Variants in SLC25A42 observed in about 807,000 individuals in gnomAD.
SLC25A42 encodes solute carrier family 25 member 42, also known as mitochondrial coenzyme A transporter SLC25A42.
A neutral mutation model predicts 34.7 loss-of-function variants in SLC25A42; 19 were observed. That is an observed-to-expected ratio of 0.55 (90% CI 0.38 to 0.80). SLC25A42 has a LOEUF of 0.80. Ranked by LOEUF, SLC25A42 falls within the 30% of genes least tolerant of loss-of-function variation. The pLI is 0.00. For missense variants in SLC25A42, 364 were observed against 441.3 expected (o/e 0.82, Z 1.57); for synonymous variants, 205 against 191.2 (o/e 1.07, Z -0.59).
At chr19:19,083,442 C>A (rs2059691060) in intron 1 of SLC25A42, among the ~76,000 whole-genome samples, 1 of 152,224 alleles carries the variant, frequency 6.6e-6, no homozygotes, top group South Asian at 2.1e-4. Flanking sequence ...CTAACGCAGC[C>A]CATTATGGTG....
intron 2 of SLC25A42, among the ~76,000 whole-genome samples, chr19:19,100,488 C>A (rs912020327): frequency 6.6e-6 from 1 of 152,082 alleles, no homozygotes; most frequent in Non-Finnish European, 1.5e-5. Context: ...ATCTGCCCTC[C>A]TTGTGGTCCC....
chr19:19,073,180 G>A (rs1186385748), intron 1 of SLC25A42, among the ~76,000 whole-genome samples: 1 of 152,218 alleles, frequency 6.6e-6, no homozygotes, highest in Non-Finnish European at 1.5e-5. Flanking sequence ...AGGAGGACAG[G>A]ACAGCAACAG....
intron 1 of SLC25A42, among the ~76,000 whole-genome samples, chr19:19,091,022 T>C (rs1599677524): frequency 6.6e-6 from 1 of 152,254 alleles, no homozygotes; most frequent in East Asian, 1.9e-4. Context: ...AGCATCTTTC[T>C]GCTGTGACAA....
chr19:19,088,745 G>A lies in SLC25A42; in HGVS notation c.-34-7346G>A, dbSNP rs879010935. On this transcript the variant is annotated intron_variant, in intron 1 of 7. Transcript: ENST00000318596. The stretch of plus-strand genomic sequence containing the variant: ...GATCTCCTGACCTTGTGATCCCCCC[G>A]CTTTGGCCTCTCAAAGTGCTTGGAT... 1.7e-4 allele frequency among the ~76,000 whole-genome samples: 25 copies of A among 151,146 alleles called. 1 individual carries two copies. Among genetic ancestry groups the A allele is most frequent in the African/African-American group, 5.1e-4 (21 of 41,104 alleles).
At chr19:19,097,761 G>A (rs911688062) in intron 2 of SLC25A42, among the ~76,000 whole-genome samples, 39 of 152,138 alleles carry the variant, frequency 2.6e-4, no homozygotes, top group African/African-American at 6.5e-4. Context: ...TCAGGAGTTC[G>A]AGACCAGCCT....
chr19:19,079,698 A>G (rs2059671734), intron 1 of SLC25A42, among the ~76,000 whole-genome samples: 1 of 152,116 alleles, frequency 6.6e-6, no homozygotes, highest in African/African-American at 2.4e-5. Flanking sequence ...GCTGTTGTGA[A>G]TCTTACTGCT....
rs571742122 is a variant in SLC25A42 at position 19,105,780 on chromosome 19, C to A, written c.380+53C>A. The A allele has an allele frequency of 9.5e-4, 1,373 of 1,442,450 alleles. 4 individuals are homozygous for A. Among genetic ancestry groups the A allele is most frequent in the Non-Finnish European group, 9.1e-4 (980 of 1,074,248 alleles). The allele number at this position is 1,442,450 out of a possible 1,614,324, so 89.4% of individuals were successfully genotyped here. Reference sequence around the variant, plus strand: ...AATCGCCCCGCCCACGCCCGCCCCTCTCTCTTTCTTCTGCACGCCCCGCTC... The same window carrying A: ...AATCGCCCCGCCCACGCCCGCCCCTATCTCTTTCTTCTGCACGCCCCGCTC... On this transcript the variant is annotated intron_variant, in intron 5 of 7. Transcript: ENST00000318596.
chr19:19,108,029 C>G lies in SLC25A42; in HGVS notation c.633C>G (p.Leu211=). The G allele has an allele frequency of 6.3e-7, 1 of 1,593,232 alleles. No homozygotes were observed. Among genetic ancestry groups the G allele is most frequent in the South Asian group, 1.1e-5 (1 of 88,012 alleles). Residue 211 remains leucine, a synonymous_variant, in exon 7 of 8, where the codon CTC becomes CTG. Coordinates refer to ENST00000318596, the MANE Select transcript of SLC25A42 (RefSeq NM_178526.5). The stretch of plus-strand genomic sequence containing the variant: ...TGAGCTTCTTCACCTATGAGACGCT[C>G]AAGAGCTTGCACAGAGGTAAGGAGA... The part of the protein sequence containing the change: ...AGLSFFTYET[L]KSLHREYSGR...
chr19:19,080,430 C>T (rs915460695), intron 1 of SLC25A42, among the ~76,000 whole-genome samples: 3 of 152,102 alleles, frequency 2.0e-5, no homozygotes, highest in Non-Finnish European at 2.9e-5. Context: ...CCCAGAAGTA[C>T]AGCGTCCTCT....
intron 4 of SLC25A42, 30 bp from the exon 5 acceptor site, chr19:19,105,531 A>T: frequency 3.1e-6 from 5 of 1,596,812 alleles, no homozygotes; most frequent in Non-Finnish European, 4.3e-6. Flanking sequence ...GCAGAGGCAG[A>T]GGGATGTTGA....
At chr19:19,073,802 G>C (rs1405773442) in intron 1 of SLC25A42, among the ~76,000 whole-genome samples, 1 of 152,146 alleles carries the variant, frequency 6.6e-6, no homozygotes, top group Admixed American at 6.5e-5. Flanking sequence ...TTGAACTCCC[G>C]ACCTTAAATG....
At chr19:19,073,999 C>T (rs577451503) in intron 1 of SLC25A42, among the ~76,000 whole-genome samples, 10 of 152,216 alleles carry the variant, frequency 6.6e-5, no homozygotes, top group Non-Finnish European at 8.8e-5. Context: ...TGAGCCACCA[C>T]GCCCAACCAA....
chr19:19,084,031 C>G (rs1206562223), intron 1 of SLC25A42, among the ~76,000 whole-genome samples: 1 of 146,444 alleles, frequency 6.8e-6, no homozygotes, highest in East Asian at 2.0e-4. Context: ...CCTGCAGGCA[C>G]CTCCAGGGCC....
At chr19:19,097,273 T>C (rs2059770664) in intron 2 of SLC25A42, among the ~76,000 whole-genome samples, 1 of 152,164 alleles carries the variant, frequency 6.6e-6, no homozygotes, top group South Asian at 2.1e-4. Context: ...TCCCGACCTT[T>C]CCCCGGATTC....
intron 1 of SLC25A42, among the ~76,000 whole-genome samples, chr19:19,074,979 C>T (rs1187427484): frequency 4.0e-5 from 6 of 151,804 alleles, no homozygotes; most frequent in East Asian, 3.9e-4. Flanking sequence ...AGCAAGACCC[C>T]GTCTCTACTA....
At chr19:19,084,284 C>A (rs995954419) in intron 1 of SLC25A42, among the ~76,000 whole-genome samples, 2 of 152,200 alleles carry the variant, frequency 1.3e-5, no homozygotes, top group African/African-American at 4.8e-5. Flanking sequence ...GGTTTGGGGC[C>A]CACAGATGCT....
rs766249128 is a variant in SLC25A42 at position 19,110,672 on chromosome 19, G to A, written c.753G>A (p.Arg251=). Residue 251 remains arginine (R), a synonymous_variant, in exon 8 of 8, where the codon CGG becomes CGA. Transcript: ENST00000318596. Reference sequence around the variant, plus strand: ...CCTCGTACCCGCTGGATGTGGTGCGGCGGCGCATGCAGACGGCCGGCGTCA... The same window carrying A: ...CCTCGTACCCGCTGGATGTGGTGCGACGGCGCATGCAGACGGCCGGCGTCA... ...QSASYPLDVV[R]RRMQTAGVTG... 5.8e-6 allele frequency: 9 copies of A among 1,564,428 alleles called. No homozygotes were observed. In the Admixed American group the frequency reaches 1.3e-4, roughly 23 times the overall value.
rs773324170 is a variant in SLC25A42 at position 19,110,908 on chromosome 19, C to T, written c.*32C>T. The T allele has an allele frequency of 6.2e-7, 1 of 1,610,314 alleles. No individual in the cohort carries two copies. The highest frequency in any genetic ancestry group is 8.5e-7 in the Non-Finnish European group (1 of 1,178,042). On this transcript the variant is annotated 3_prime_UTR_variant, in exon 8 of 8. Coordinates refer to ENST00000318596, the MANE Select transcript of SLC25A42 (RefSeq NM_178526.5). ...CTGAGCTGCTCTCAGGACGGTGGAC[C>T]GGTGACCCCTTTGTATTCTGGGCCC...
chr19:19,064,923 GA>G (rs2059593523), intron 1 of SLC25A42, among the ~76,000 whole-genome samples: 1 of 152,076 alleles, frequency 6.6e-6, no homozygotes, highest in African/African-American at 2.4e-5. Context: ...GTGATTTCCG[GA>G]CCTTAGAATA....
Sources: allele counts gnomAD v4.1 joint callset (sites outside exome capture counted in the v4.1 genomes callset), GRCh38; gene constraint gnomAD v4.1.1; transcripts MANE v1.5; gene names NCBI Gene and HGNC (gene_info 2026-07-23, HGNC 2026-07-21).